The following AGBL4 variants were observed in gnomAD, a reference collection of about 807,000 sequenced individuals.
The protein encoded by AGBL4 is AGBL carboxypeptidase 4.
A neutral mutation model predicts 66.4 loss-of-function variants in AGBL4; 58 were observed. The observed-to-expected ratio is 0.87, with a 90% CI of 0.71 to 1.09. The LOEUF is 1.09. Ranked by LOEUF, AGBL4 falls within the 50% of genes least tolerant of loss-of-function variation. The pLI is 0.00. For missense variants in AGBL4, 579 were observed against 631.0 expected (o/e 0.92, Z 0.88); for synonymous variants, 234 against 222.9 (o/e 1.05, Z -0.44).
At chr1:48,856,629 A>G (rs922943376) in intron 6 of AGBL4, among the ~76,000 whole-genome samples, 2 of 152,198 alleles carry the variant, frequency 1.3e-5, no homozygotes, top group Admixed American at 6.5e-5. Flanking sequence ...GGAGACTTTA[A>G]TTAGAGAAAA....
At chr1:49,008,929 A>G (rs1211354726) in intron 5 of AGBL4, among the ~76,000 whole-genome samples, 9 of 151,812 alleles carry the variant, frequency 5.9e-5, no homozygotes, top group Non-Finnish European at 1.3e-4. Context: ...AAAGCAGGAA[A>G]GATCCAAAAT....
chr1:49,395,800 CATATATATATGTATACAT>C lies in AGBL4; in HGVS notation c.283-149954_283-149937del, dbSNP rs1295047123. Among the ~76,000 whole-genome samples, 339 of 118,082 alleles carry C rather than the reference CATATATATATGTATACAT, an allele frequency of 2.9e-3. 1 individual carries two copies. Among genetic ancestry groups the C allele is most frequent in the Middle Eastern group, 8.6e-3 (2 of 232 alleles). The allele number at this position is 118,082 out of a possible 152,430, so 77.5% of individuals were successfully genotyped here. A position where few individuals can be genotyped will look rare whatever the true frequency, so the allele number is the denominator to read the frequency against. On this transcript the variant is annotated intron_variant, in intron 3 of 13. Coordinates refer to ENST00000371839, the MANE Select transcript of AGBL4 (RefSeq NM_032785.4). ...ACATGTGTATATATGTATATATATA[CATATATATATGTATACAT>C]ATATATATATGTGTATATATATATA...
At chr1:49,971,054 A>G (rs969659309) in intron 1 of AGBL4, among the ~76,000 whole-genome samples, 1 of 152,192 alleles carries the variant, frequency 6.6e-6, no homozygotes, top group African/African-American at 2.4e-5. Flanking sequence ...GTACTGGATT[A>G]TTTAAATATA....
chr1:49,571,001 T>C (rs1013187593), intron 3 of AGBL4, among the ~76,000 whole-genome samples: 6 of 152,110 alleles, frequency 3.9e-5, no homozygotes, highest in Non-Finnish European at 8.8e-5. Flanking sequence ...TGCAATATAA[T>C]TTGAAGTCAC....
chr1:48,641,380 C>T (rs1289442566), intron 8 of AGBL4, among the ~76,000 whole-genome samples: 2 of 152,134 alleles, frequency 1.3e-5, no homozygotes, highest in African/African-American at 4.8e-5. Flanking sequence ...AATCATAACA[C>T]ATCCACTTCC....
intron 2 of AGBL4, among the ~76,000 whole-genome samples, chr1:49,700,320 T>C (rs1351846134): frequency 2.0e-5 from 3 of 150,882 alleles, no homozygotes; most frequent in African/African-American, 4.9e-5. Flanking sequence ...GATAGATAGA[T>C]AGATAGATAG....
At chr1:49,282,584 G>A (rs1644299156) in intron 3 of AGBL4, among the ~76,000 whole-genome samples, 1 of 152,218 alleles carries the variant, frequency 6.6e-6, no homozygotes, top group Non-Finnish European at 1.5e-5. Flanking sequence ...GAAGACAGGT[G>A]ATTTCTGCAT....
intron 3 of AGBL4, 35 bp downstream of exon 3, chr1:49,697,278 A>G (rs1365361524): frequency 6.6e-7 from 1 of 1,518,384 alleles, no homozygotes; most frequent in East Asian, 2.5e-5. Context: ...TATTCTTACC[A>G]AAACCACTCT....
chr1:49,011,514 T>A (rs1244939151), intron 5 of AGBL4, among the ~76,000 whole-genome samples: 9 of 152,228 alleles, frequency 5.9e-5, no homozygotes, highest in Non-Finnish European at 8.8e-5. Context: ...CATTTAACCC[T>A]GCCATCCCAT....
At chr1:48,560,965 T>TG (rs765768114) in intron 11 of AGBL4, among the ~76,000 whole-genome samples, 10 of 152,256 alleles carry the variant, frequency 6.6e-5, no homozygotes, top group Non-Finnish European at 1.3e-4. Context: ...AAGCTTCTTG[T>TG]GATTTGCCCC....
Position 48,818,049 on chromosome 1 carries a change from A to G in AGBL4, c.634+49142T>C, listed in dbSNP as rs1296938315. On this transcript the variant is annotated intron_variant, in intron 6 of 13. Coordinates refer to ENST00000371839, the MANE Select transcript of AGBL4 (RefSeq NM_032785.4). The stretch of plus-strand genomic sequence containing the variant: ...CGAGATTAGGTCAAATTCATATCTG[A>G]TAGTCAAATTTGGAAAGGCCACCAT... The G allele has an allele frequency of 1.4e-5, 10 of 708,676 alleles. No homozygotes were observed. In the African/African-American group the frequency reaches 1.8e-4, roughly 12 times the overall value. The allele number at this position is 708,676 out of a possible 1,614,324, so 43.9% of individuals were successfully genotyped here.
intron 3 of AGBL4, among the ~76,000 whole-genome samples, chr1:49,686,979 A>G (rs1646798485): frequency 6.6e-6 from 1 of 152,224 alleles, no homozygotes; most frequent in Non-Finnish European, 1.5e-5. Flanking sequence ...TGGAAATATG[A>G]AACAACATGG....
chr1:48,595,424 A>G (rs1470926166), intron 9 of AGBL4, among the ~76,000 whole-genome samples: 1 of 152,230 alleles, frequency 6.6e-6, no homozygotes, highest in Non-Finnish European at 1.5e-5. Context: ...AGTTGTTCCA[A>G]CAGTAAAACC....
intron 3 of AGBL4, among the ~76,000 whole-genome samples, chr1:49,562,568 C>A (rs927199687): frequency 2.0e-5 from 3 of 152,098 alleles, no homozygotes; most frequent in African/African-American, 7.2e-5. Context: ...AATAGGGAAT[C>A]CTTTCCCCCT....
At chr1:49,197,732 T>C (rs1647343725) in intron 4 of AGBL4, among the ~76,000 whole-genome samples, 1 of 152,168 alleles carries the variant, frequency 6.6e-6, no homozygotes, top group South Asian at 2.1e-4. Flanking sequence ...CCCTGGACCA[T>C]AAAACTTGCT....
intron 5 of AGBL4, among the ~76,000 whole-genome samples, chr1:48,935,530 C>T (rs962214129): frequency 2.0e-5 from 3 of 152,088 alleles, no homozygotes; most frequent in African/African-American, 4.8e-5. Flanking sequence ...TCTAATCTAG[C>T]TTTTCTAAGT....
intron 11 of AGBL4, among the ~76,000 whole-genome samples, chr1:48,551,738 G>T (rs1644251932): frequency 6.6e-6 from 1 of 151,978 alleles, no homozygotes; most frequent in African/African-American, 2.4e-5. Context: ...AAAATTGGCG[G>T]GCAGTTGAAC....
chr1:49,870,352 A>G (rs1266187118), intron 1 of AGBL4, among the ~76,000 whole-genome samples: 1 of 152,088 alleles, frequency 6.6e-6, no homozygotes, highest in African/African-American at 2.4e-5. Flanking sequence ...ATTGTACAAT[A>G]CTTAATAAAA....
chr1:48,793,847 G>C (rs1471227446), intron 6 of AGBL4, among the ~76,000 whole-genome samples: 2 of 152,158 alleles, frequency 1.3e-5, no homozygotes, highest in African/African-American at 2.4e-5. Context: ...TCATCAGTTA[G>C]AGAATATGCC....
Sources: gnomAD v4.1 joint callset for allele counts (sites outside exome capture counted in the v4.1 genomes callset) on GRCh38, gnomAD v4.1.1 for gene constraint, MANE v1.5 for transcripts, NCBI Gene and HGNC (gene_info 2026-07-23, HGNC 2026-07-21) for gene names.